Variants in SLC24A2 observed in about 807,000 individuals in gnomAD.
SLC24A2 encodes sodium/potassium/calcium exchanger 2.
In SLC24A2, 36 loss-of-function variants were observed where a neutral mutation model predicts 62.0. The ratio of observed to expected loss-of-function variants is 0.58; its 90% CI spans 0.44 to 0.77. The LOEUF (loss-of-function observed/expected upper bound fraction) is 0.77, where lower values mean the gene tolerates loss of function less well. SLC24A2 is among the 30% of genes least tolerant of loss of function. The pLI, the probability that SLC24A2 is intolerant of heterozygous loss-of-function variation, is 0.00. For missense variants in SLC24A2, 846 were observed against 817.9 expected (o/e 1.03, Z -0.42); for synonymous variants, 358 against 294.0 (o/e 1.22, Z -2.23).
the SLC24A2 span, among the ~76,000 whole-genome samples, chr9:20,237,825 G>A: frequency 6.6e-6 from 1 of 152,100 alleles, no homozygotes; most frequent in East Asian, 1.9e-4. Flanking sequence ...GATAGAAGTA[G>A]TCTCCTCATT....
At chr9:20,116,344 C>A in the SLC24A2 span, among the ~76,000 whole-genome samples, 1 of 152,094 alleles carries the variant, frequency 6.6e-6, no homozygotes, top group Admixed American at 6.6e-5. Context: ...ATCTTAGAAC[C>A]CTTAAGCACT....
At chr9:20,184,721 A>G in the SLC24A2 span, among the ~76,000 whole-genome samples, 27 of 152,122 alleles carry the variant, frequency 1.8e-4, no homozygotes, top group Admixed American at 1.8e-3. Context: ...AAATAGAACT[A>G]CCATATGTGA....
intron 2 of SLC24A2, among the ~76,000 whole-genome samples, chr9:19,763,246 A>G (rs1424824109): frequency 6.6e-6 from 1 of 152,182 alleles, no homozygotes. Flanking sequence ...TAAATATACA[A>G]TCGTGTCATC....
intron 7 of SLC24A2, among the ~76,000 whole-genome samples, chr9:19,563,750 C>CCTTG: frequency 1.7e-5 from 2 of 116,638 alleles, no homozygotes; most frequent in Non-Finnish European, 3.3e-5. Flanking sequence ...TTATAATGAC[C>CCTTG]CTTCCTTCCT....
chr9:19,789,851 G>A (rs972714125), upstream of SLC24A2, among the ~76,000 whole-genome samples: 2 of 152,100 alleles, frequency 1.3e-5, no homozygotes, highest in Non-Finnish European at 2.9e-5. Context: ...AAAGCTTTTC[G>A]CACATTTTCC....
chr9:19,815,150 G>C, the SLC24A2 span, among the ~76,000 whole-genome samples: 1 of 152,132 alleles, frequency 6.6e-6, no homozygotes, highest in East Asian at 1.9e-4. Flanking sequence ...AGACACAGAA[G>C]AGATTTAAAT....
chr9:20,083,463 G>A, the SLC24A2 span, among the ~76,000 whole-genome samples: 10 of 152,318 alleles, frequency 6.6e-5, no homozygotes, highest in African/African-American at 2.4e-4. Flanking sequence ...CTGGCTGGGG[G>A]TCAAAGTTGG....
At chr9:20,086,769 AATT>A in the SLC24A2 span, among the ~76,000 whole-genome samples, 1 of 152,156 alleles carries the variant, frequency 6.6e-6, no homozygotes, top group South Asian at 2.1e-4. Context: ...TATTTGAGAA[AATT>A]ATTATGCTTT....
chr9:20,060,915 T>TA, the SLC24A2 span, among the ~76,000 whole-genome samples: 3 of 151,698 alleles, frequency 2.0e-5, no homozygotes, highest in African/African-American at 2.4e-5. Flanking sequence ...GAAAGTAAAT[T>TA]AAAAAAAATA....
chr9:19,905,105 T>C, the SLC24A2 span, among the ~76,000 whole-genome samples: 9 of 152,312 alleles, frequency 5.9e-5, no homozygotes, highest in African/African-American at 2.2e-4. Context: ...ACCAGGACTC[T>C]TGGGACTTAT....
At chr9:19,873,306 C>A in the SLC24A2 span, among the ~76,000 whole-genome samples, 1 of 148,604 alleles carries the variant, frequency 6.7e-6, no homozygotes, top group Non-Finnish European at 1.5e-5. Flanking sequence ...CTTTTCCTTT[C>A]TTTCCTTCCG....
intron 7 of SLC24A2, among the ~76,000 whole-genome samples, chr9:19,551,689 C>T (rs1048899828): frequency 3.3e-5 from 5 of 152,168 alleles, no homozygotes; most frequent in African/African-American, 1.2e-4. Flanking sequence ...CCCTCCAGCA[C>T]CTGTGTCCCT....
chr9:19,848,544 T>C, the SLC24A2 span, among the ~76,000 whole-genome samples: 2 of 152,196 alleles, frequency 1.3e-5, no homozygotes, highest in Non-Finnish European at 1.5e-5. Context: ...GTAAATGATA[T>C]ATGGTATTGT....
At chr9:19,747,908 G>T (rs1201187233) in intron 2 of SLC24A2, among the ~76,000 whole-genome samples, 1 of 152,096 alleles carries the variant, frequency 6.6e-6, no homozygotes, top group Non-Finnish European at 1.5e-5. Context: ...AGGAAACTGA[G>T]GCACAAAGAG....
At chr9:19,866,459 T>C in the SLC24A2 span, among the ~76,000 whole-genome samples, 1 of 152,140 alleles carries the variant, frequency 6.6e-6, no homozygotes, top group Non-Finnish European at 1.5e-5. Context: ...TAAGGGTCCA[T>C]CAACAGATGA....
chr9:19,778,243 G>C (rs549288167), intron 2 of SLC24A2, among the ~76,000 whole-genome samples: 22 of 152,232 alleles, frequency 1.4e-4, no homozygotes, highest in African/African-American at 5.3e-4. Context: ...TATTTAGTGA[G>C]GAATAAGGGA....
chr9:19,716,542 A>C (rs1351257595), intron 2 of SLC24A2, among the ~76,000 whole-genome samples: 1 of 152,212 alleles, frequency 6.6e-6, no homozygotes, highest in Non-Finnish European at 1.5e-5. Context: ...ATTTATCCTC[A>C]CATCAAATAT....
intron 2 of SLC24A2, among the ~76,000 whole-genome samples, chr9:19,674,249 T>C (rs1046428653): frequency 5.3e-5 from 8 of 152,232 alleles, no homozygotes; most frequent in African/African-American, 1.7e-4. Context: ...GTTAATCTGA[T>C]AGGTTTTCTT....
the SLC24A2 span, among the ~76,000 whole-genome samples, chr9:19,900,062 T>C: frequency 6.6e-6 from 1 of 152,206 alleles, no homozygotes; most frequent in Admixed American, 6.5e-5. Flanking sequence ...AATCATGTAG[T>C]TCATAAAAGT....
Sources: allele counts gnomAD v4.1 joint callset (sites outside exome capture counted in the v4.1 genomes callset), GRCh38; gene constraint gnomAD v4.1.1; transcripts MANE v1.5; gene names NCBI Gene and HGNC (gene_info 2026-07-23, HGNC 2026-07-21).